The following NOTCH2 variants were observed in gnomAD, a reference collection of about 807,000 sequenced individuals.
NOTCH2 encodes the protein neurogenic locus notch homolog protein 2.
A neutral mutation model predicts 235.8 loss-of-function variants in NOTCH2; 29 were observed. The observed-to-expected ratio is 0.12, with a 90% CI of 0.09 to 0.17. The LOEUF (loss-of-function observed/expected upper bound fraction) is 0.17. NOTCH2 is among the 10% of genes least tolerant of loss of function. The probability of loss-of-function intolerance (pLI) is 1.00; values close to 1 mark genes in which losing one functional copy is unlikely to be tolerated. For synonymous variants in NOTCH2, 1,086 were observed against 1,141.5 expected (o/e 0.95, Z 0.98); for missense variants, 2,285 against 3,150.2 (o/e 0.73, Z 6.57).
At chr1:119,934,107 C>T (rs1408775191) in intron 22 of NOTCH2, among the ~76,000 whole-genome samples, 1 of 152,244 alleles carries the variant, frequency 6.6e-6, no homozygotes, top group Non-Finnish European at 1.5e-5. Context: ...GTTTAATTAG[C>T]TGCTATAGCT....
chr1:120,015,189 C>T (rs1553207758), intron 2 of NOTCH2, among the ~76,000 whole-genome samples: 2 of 152,138 alleles, frequency 1.3e-5, no homozygotes, highest in East Asian at 1.9e-4. Context: ...TGGGTTGCGT[C>T]GGCACTGCAG....
At position 119,948,474 on chromosome 1, in the gene NOTCH2, C is replaced by T; in HGVS notation, c.2692G>A (p.Glu898Lys). Residue 898 changes from glutamate to lysine, a missense_variant, in exon 17 of 34, where the codon GAA becomes AAA. By Grantham distance (56) the Glu-to-Lys change is moderately conservative (BLOSUM62 1). Around this residue, in one of 6 missense-constraint regions of NOTCH2, gnomAD observed 1,173 missense variants for 1,515.3 expected, o/e 0.77. Transcript: ENST00000256646. ...ATACCACTGAAGCCTGGTGGACATT[C>T]ACACATGTAGCTGCCCTGGGTGTTA... is the stretch of plus-strand genomic sequence containing the variant. ...CHNTQGSYMC[E>K]CPPGFSGMDC... 2 of 1,614,198 alleles carry T rather than the reference C, an allele frequency of 1.2e-6. No individual in the cohort carries two copies. The highest frequency in any genetic ancestry group is 1.7e-6 in the Non-Finnish European group (2 of 1,180,040).
chr1:119,919,282 T>G, intron 31 of NOTCH2, 30 bp downstream of exon 31: 1 of 1,583,440 alleles, frequency 6.3e-7, no homozygotes, highest in South Asian at 1.1e-5. Flanking sequence ...TAGGAATTAT[T>G]ATTCAAGTGA....
intron 2 of NOTCH2, among the ~76,000 whole-genome samples, chr1:120,028,216 A>G (rs1553210328): frequency 1.8e-5 from 2 of 113,818 alleles, no homozygotes; most frequent in Admixed American, 9.3e-5. Context: ...CAAAAAATGC[A>G]TAAGACTAAG....
intron 33 of NOTCH2, 21 bp downstream of exon 33, chr1:119,917,644 C>G (rs773448183): frequency 2.6e-6 from 4 of 1,544,792 alleles, no homozygotes; most frequent in Non-Finnish European, 2.7e-6. Flanking sequence ...CCTCCTCAAG[C>G]TCAGAGCCCA....
At chr1:119,931,873 T>G (rs1275393794) in intron 22 of NOTCH2, among the ~76,000 whole-genome samples, 2 of 151,258 alleles carry the variant, frequency 1.3e-5, no homozygotes, top group East Asian at 1.9e-4. Context: ...AAAATCACTA[T>G]AAAGAAAAAA....
chr1:119,983,120 ATG>A (rs1651875223), intron 5 of NOTCH2, among the ~76,000 whole-genome samples: 4 of 152,238 alleles, frequency 2.6e-5, no homozygotes, highest in Non-Finnish European at 5.9e-5. Flanking sequence ...ATTTAATTCA[ATG>A]TACCAAAATG....
At chr1:119,952,475 T>C (rs1462284684) in intron 14 of NOTCH2, among the ~76,000 whole-genome samples, 2 of 152,190 alleles carry the variant, frequency 1.3e-5, no homozygotes, top group African/African-American at 4.8e-5. Context: ...GACAGTCCCA[T>C]CTGGAGGTGA....
chr1:120,065,720 CAAAG>C (rs1655480291), intron 1 of NOTCH2, among the ~76,000 whole-genome samples: 2 of 151,550 alleles, frequency 1.3e-5, no homozygotes, highest in African/African-American at 2.4e-5. Context: ...GGTAGGCTGA[CAAAG>C]AAAGAAAAGA....
At chr1:119,942,970 T>C (rs782019249) in intron 17 of NOTCH2, among the ~76,000 whole-genome samples, 2 of 151,576 alleles carry the variant, frequency 1.3e-5, no homozygotes, top group African/African-American at 2.4e-5. Flanking sequence ...CCTCCCGGGT[T>C]CAAGAGATTC....
At chr1:120,025,291 C>A (rs1182192112) in intron 2 of NOTCH2, among the ~76,000 whole-genome samples, 2 of 151,416 alleles carry the variant, frequency 1.3e-5, no homozygotes, top group Non-Finnish European at 2.9e-5. Flanking sequence ...GCTGAAAAGA[C>A]TGAGCAGAAG....
rs1571144463 is a variant in NOTCH2, at chr1:119,914,914, C to T, written c.*392G>A. 8 of 372,544 alleles carry T rather than the reference C, an allele frequency of 2.1e-5. No individual in the cohort carries two copies. The East Asian group carries it at 3.6e-4, about 17-fold the overall frequency. 23.1% of individuals were successfully genotyped at this position (372,544 alleles called of 1,614,324 possible). On this transcript the variant is annotated 3_prime_UTR_variant, in exon 34 of 34. Transcript: ENST00000256646. ...TCAGGCAGAATTCCAGGGCATAATT[C>T]CCAACAGGACGCTAGTGTAGAATCT...
chr1:119,963,801 G>T lies in NOTCH2; in HGVS notation c.1688C>A (p.Thr563Asn), dbSNP rs782790871. Residue 563 changes from threonine to asparagine, a missense_variant, in exon 11 of 34, where the codon ACT becomes AAT. Thr to Asn is a moderately conservative substitution (Grantham distance 65, BLOSUM62 0). Around this residue, in one of 6 missense-constraint regions of NOTCH2, gnomAD observed 431 missense variants for 757.8 expected, o/e 0.57. Coordinates refer to ENST00000256646, the MANE Select transcript of NOTCH2 (RefSeq NM_024408.4). ...AATGTTCTCCTCACACAACACACCA[G>T]TGAAACCTTTGGAAAGAATTTTATC... ...GYECQCATGFTGVLCEENIDN... is the reference protein window; with the variant it reads ...GYECQCATGFNGVLCEENIDN... The T allele has an allele frequency of 8.1e-6, 13 of 1,613,670 alleles. No homozygotes were observed. In the African/African-American group the frequency reaches 1.7e-4, roughly 22 times the overall value.
In NOTCH2 at chr1:119,923,889, G is replaced by A. The variant is rs2101159247; in HGVS notation, c.4607C>T (p.Ala1536Val). The A allele has an allele frequency of 6.2e-7, 1 of 1,614,168 alleles. No homozygotes were observed. ...ECGWDGLDCA[A>V]DQPENLAEGT... is the part of the protein sequence containing the mutation. ...TTCTGCCAGGTTCTCAGGTTGGTCA[G>A]CAGCACAGTCCAGCCCATCCCAACC... The change falls in exon 26 of 34, where the codon GCT (alanine) becomes GTT (valine). Residue 1536 changes from alanine (A) to valine (V), a missense_variant. Coordinates refer to ENST00000256646, the MANE Select transcript of NOTCH2 (RefSeq NM_024408.4).
At chr1:120,000,717 C>A (rs1553205184) in intron 3 of NOTCH2, among the ~76,000 whole-genome samples, 2 of 150,274 alleles carry the variant, frequency 1.3e-5, no homozygotes, top group South Asian at 2.1e-4. Flanking sequence ...TATATGCCCC[C>A]CTACTTTGCC....
chr1:119,912,042 A>C lies in NOTCH2; in HGVS notation c.*3264T>G, dbSNP rs1468907556. 4.3e-6 allele frequency: 1 copy of C among 233,588 alleles called. No individual in the cohort carries two copies. The highest frequency in any genetic ancestry group is 8.5e-6 in the Non-Finnish European group (1 of 118,064). 14.5% of individuals were successfully genotyped at this position (233,588 alleles called of 1,614,324 possible). A position where few individuals can be genotyped will look rare whatever the true frequency, so the allele number is the denominator to read the frequency against. On this transcript the variant is annotated 3_prime_UTR_variant, in exon 34 of 34. Transcript: ENST00000256646. ...ATGGATGCAGTATTGGAAAATAAAA[A>C]ATACAACACCACTGAGCTTGGCAAA...
chr1:119,985,216 T>C (rs1651966326), intron 5 of NOTCH2, among the ~76,000 whole-genome samples: 1 of 151,914 alleles, frequency 6.6e-6, no homozygotes, highest in South Asian at 2.1e-4. Flanking sequence ...AATCAAAGAA[T>C]TGGCATGAGT....
intron 5 of NOTCH2, among the ~76,000 whole-genome samples, chr1:119,973,516 C>G (rs782775188): frequency 1.9e-4 from 29 of 152,056 alleles, no homozygotes; most frequent in Non-Finnish European, 3.2e-4. Flanking sequence ...CATTGAAACC[C>G]GGATTGATCT....
At chr1:119,962,487 G>A (rs941600254) in intron 11 of NOTCH2, among the ~76,000 whole-genome samples, 10 of 152,140 alleles carry the variant, frequency 6.6e-5, no homozygotes, top group African/African-American at 1.7e-4. Flanking sequence ...CAGCTGTGAC[G>A]GCATGGGATG....
Sources: allele counts gnomAD v4.1 joint callset (sites outside exome capture counted in the v4.1 genomes callset), GRCh38; gene constraint gnomAD v4.1.1; regional missense constraint gnomAD v4.1.1; transcripts MANE v1.5; gene names NCBI Gene and HGNC (gene_info 2026-07-23, HGNC 2026-07-21).